ST7: variants seen among roughly 807,000 people sequenced by gnomAD.
ST7 encodes the protein suppressor of tumorigenicity 7 protein.
Under a neutral mutation model 78.7 loss-of-function variants are expected in ST7, and 28 were observed. The ratio of observed to expected loss-of-function variants is 0.36; its 90% CI spans 0.26 to 0.49. The LOEUF (loss-of-function observed/expected upper bound fraction) is 0.49, where lower values mean the gene tolerates loss of function less well. Ranked by LOEUF, ST7 falls within the 20% of genes least tolerant of loss-of-function variation. The pLI, the probability that ST7 is intolerant of heterozygous loss-of-function variation, is 0.99. For missense variants in ST7, 418 were observed against 696.0 expected, an observed-to-expected ratio of 0.60 and a Z score of 4.49; for synonymous variants, 247 against 249.6, an observed-to-expected ratio of 0.99 and a Z score of 0.10.
chr7:117,097,908 A>ATTT (rs751549285), intron 1 of ST7, among the ~76,000 whole-genome samples: 6 of 30,012 alleles, frequency 2.0e-4, no homozygotes, highest in Admixed American at 1.1e-3. Flanking sequence ...ATATATATAT[A>ATTT]TTTTTTTTTT....
intron 1 of ST7, among the ~76,000 whole-genome samples, chr7:117,064,834 A>G (rs904119362): frequency 1.2e-4 from 18 of 152,236 alleles, no homozygotes; most frequent in Non-Finnish European, 2.1e-4. Flanking sequence ...AGTGCGTGCC[A>G]TGGAACAGGA....
intron 1 of ST7, among the ~76,000 whole-genome samples, chr7:116,955,909 C>T (rs1792449709): frequency 6.6e-6 from 1 of 152,170 alleles, no homozygotes; most frequent in Non-Finnish European, 1.5e-5. Context: ...CCTTGCTAGA[C>T]ACATGATAGA....
intron 1 of ST7, chr7:116,956,910 C>G: frequency 3.2e-6 from 1 of 316,692 alleles, no homozygotes; most frequent in East Asian, 8.8e-5. Flanking sequence ...TTGAATTGAG[C>G]CTAAGAGGAT....
intron 15 of ST7, among the ~76,000 whole-genome samples, chr7:117,225,691 T>C (rs1343610508): frequency 6.6e-6 from 1 of 152,104 alleles, no homozygotes; most frequent in Non-Finnish European, 1.5e-5. Context: ...AGCCCTTTGC[T>C]GAGATAATGT....
intron 9 of ST7, among the ~76,000 whole-genome samples, chr7:117,163,982 C>G (rs1244922634): frequency 6.6e-6 from 1 of 152,050 alleles, no homozygotes; most frequent in African/African-American, 2.4e-5. Flanking sequence ...ATCAAAATAC[C>G]AATGACATTC....
chr7:117,002,804 T>A (rs1421730940), intron 1 of ST7, among the ~76,000 whole-genome samples: 1 of 131,304 alleles, frequency 7.6e-6, no homozygotes, highest in Non-Finnish European at 1.6e-5. Flanking sequence ...ATCTACTGAA[T>A]TTTTTTTCCT....
intron 13 of ST7, among the ~76,000 whole-genome samples, chr7:117,214,062 A>C: frequency 6.6e-6 from 1 of 152,104 alleles, no homozygotes; most frequent in Admixed American, 6.5e-5. Context: ...TACCTGTATT[A>C]ATACTGATGT....
intron 1 of ST7, chr7:116,956,715 T>C (rs761606197): frequency 2.2e-6 from 1 of 462,710 alleles, no homozygotes. Context: ...CATTTGATCA[T>C]ATTTTATGGT....
intron 1 of ST7, among the ~76,000 whole-genome samples, chr7:117,045,647 T>TC (rs1797456368): frequency 6.6e-6 from 1 of 152,218 alleles, no homozygotes; most frequent in African/African-American, 2.4e-5. Context: ...ATATTATCTA[T>TC]CTTCCCCAGC....
chr7:117,100,134 A>G (rs1801459201), intron 2 of ST7, among the ~76,000 whole-genome samples: 2 of 152,210 alleles, frequency 1.3e-5, no homozygotes, highest in Admixed American at 1.3e-4. Context: ...AAATTTTACT[A>G]TCTAAGATAT....
intron 1 of ST7, among the ~76,000 whole-genome samples, chr7:117,050,047 A>G (rs28875777): frequency 0.046 from 5,289 of 113,798 alleles, 330 homozygotes; most frequent in African/African-American, 0.14. Flanking sequence ...TCTACTAAAA[A>G]TACAAAAAAA....
chr7:117,111,287 C>T (rs1802410066), intron 2 of ST7, among the ~76,000 whole-genome samples: 1 of 152,196 alleles, frequency 6.6e-6, no homozygotes, highest in African/African-American at 2.4e-5. Context: ...AATTACCTAA[C>T]TGCTCTCACC....
At chr7:117,077,085 C>T (rs559017406) in intron 1 of ST7, among the ~76,000 whole-genome samples, 1 of 152,236 alleles carries the variant, frequency 6.6e-6, no homozygotes, top group East Asian at 1.9e-4. Context: ...CTGTCTCCAG[C>T]CAGATTCTTT....
rs1792255276 is a variant in ST7 at position 117,211,138 on chromosome 7, G to A, written c.1405+1201G>A. ...AAATAAGCTACAGATGGGACTCAAA[G>A]TTGATTGAAAATTTTTGTTTCATTT... On this transcript the variant is annotated intron_variant, in intron 13 of 15. Transcript: ENST00000323984. Among the ~76,000 whole-genome samples, 5 of 152,172 alleles carry A rather than the reference G, an allele frequency of 3.3e-5. No homozygotes were observed. The South Asian group carries it at 1.0e-3, about 32-fold the overall frequency.
At chr7:117,037,903 G>A (rs1796979068) in intron 1 of ST7, among the ~76,000 whole-genome samples, 1 of 152,184 alleles carries the variant, frequency 6.6e-6, no homozygotes, top group African/African-American at 2.4e-5. Flanking sequence ...AGTGTGTGGA[G>A]ATGTTGATGA....
intron 1 of ST7, among the ~76,000 whole-genome samples, chr7:116,996,120 C>T (rs1794641796): frequency 1.4e-5 from 2 of 139,804 alleles, no homozygotes; most frequent in South Asian, 2.3e-4. Context: ...CTTGCTCTGT[C>T]GTCCAGGTTG....
At chr7:117,119,390 A>T (rs1310084420) in intron 2 of ST7, among the ~76,000 whole-genome samples, 171 bp from the exon 3 acceptor site, 2 of 152,210 alleles carry the variant, frequency 1.3e-5, no homozygotes, top group Non-Finnish European at 2.9e-5. Flanking sequence ...CCACACTGAG[A>T]ATTTTAAATG....
At chr7:117,206,903 C>G (rs1791812656) in intron 12 of ST7, among the ~76,000 whole-genome samples, 1 of 152,120 alleles carries the variant, frequency 6.6e-6, no homozygotes, top group Non-Finnish European at 1.5e-5. Flanking sequence ...CCTGCATTGT[C>G]CAATACAGTA....
intron 9 of ST7, chr7:117,145,664 T>C (rs898942126): frequency 6.6e-6 from 1 of 152,182 alleles, no homozygotes; most frequent in Non-Finnish European, 1.5e-5. Context: ...GTTGATTGTT[T>C]CTGCAGAAAC....
Sources: gnomAD v4.1 joint callset for allele counts (sites outside exome capture counted in the v4.1 genomes callset) on GRCh38, gnomAD v4.1.1 for gene constraint, MANE v1.5 for transcripts, NCBI Gene and HGNC (gene_info 2026-07-23, HGNC 2026-07-21) for gene names.